The following USP32 variants were observed in gnomAD, a reference collection of about 807,000 sequenced individuals.
USP32 encodes ubiquitin specific peptidase 32.
A neutral mutation model predicts 204.8 loss-of-function variants in USP32; 59 were observed. That is an observed-to-expected ratio of 0.29 (90% confidence interval 0.23 to 0.36). USP32 has a LOEUF of 0.36. Among genes scored for constraint, USP32 ranks in the 10% least tolerant of loss-of-function variants. USP32 has a pLI of 1.00. For missense variants in USP32, 1,160 were observed against 1,946.4 expected, an observed-to-expected ratio of 0.60 and a Z score of 7.60; for synonymous variants, 517 against 678.4, an observed-to-expected ratio of 0.76 and a Z score of 3.70.
intron 2 of USP32, among the ~76,000 whole-genome samples, chr17:60,340,241 C>T (rs2088625632): frequency 6.6e-6 from 1 of 152,164 alleles, no homozygotes; most frequent in African/African-American, 2.4e-5. Flanking sequence ...TCATCCATTC[C>T]ATGAGTCTAT....
Position 60,181,454 on chromosome 17 carries a change from A to T in USP32, c.4418T>A (p.Leu1473His). The change falls in exon 32 of 34, where the codon CTT becomes CAT. Residue 1473 changes from leucine to histidine, a missense_variant. Coordinates refer to ENST00000300896, the MANE Select transcript of USP32 (RefSeq NM_032582.4). ...DHEVALANGF[L>H]YEHEACGNGY... is the part of the protein sequence containing the mutation. ...ATTGCCACATGCTTCATGCTCATAA[A>T]GGAATCCATTGGCCAAAGCTACCTC... 6.2e-7 allele frequency: 1 copy of T among 1,613,970 alleles called. No individual in the cohort carries two copies. Among genetic ancestry groups the T allele is most frequent in the Non-Finnish European group, 8.5e-7 (1 of 1,179,860 alleles).
At chr17:60,370,656 G>C (rs1471174097) in intron 1 of USP32, among the ~76,000 whole-genome samples, 1 of 151,704 alleles carries the variant, frequency 6.6e-6, no homozygotes, top group Non-Finnish European at 1.5e-5. Flanking sequence ...CCACTCAGGA[G>C]GAGGCTGAGG....
At chr17:60,410,260 C>A (rs1179088315) in intron 1 of USP32, among the ~76,000 whole-genome samples, 1 of 152,160 alleles carries the variant, frequency 6.6e-6, no homozygotes. Context: ...GTAACCTCCA[C>A]CCAGAAACTG....
rs753731895 is a variant in USP32, at chr17:60,190,536, C to T, written c.3642+27G>A. 8 of 1,515,616 alleles carry T rather than the reference C, an allele frequency of 5.3e-6. No homozygotes were observed. In the East Asian group the frequency reaches 1.7e-4, roughly 33 times the overall value. 93.9% of individuals were successfully genotyped at this position (1,515,616 alleles called of 1,614,324 possible). The stretch of plus-strand genomic sequence containing the variant: ...TGGAAATTTCTCATATAAAAACCAC[C>T]ATTTTATGGTGGCCCTAAATACTTA... On this transcript the variant is annotated intron_variant, in intron 29 of 33. Transcript: ENST00000300896.
At chr17:60,376,378 A>G (rs1298377481) in intron 1 of USP32, among the ~76,000 whole-genome samples, 3 of 151,850 alleles carry the variant, frequency 2.0e-5, no homozygotes, top group Non-Finnish European at 4.4e-5. Flanking sequence ...ATAGCTTAAT[A>G]TTAAACATTA....
rs371434911 is a variant in USP32 at position 60,181,418 on chromosome 17, T to C, written c.4454A>G (p.Asn1485Ser). The stretch of plus-strand genomic sequence containing the variant: ...TTCACTGTGGTTTCCAAGCTGACCA[T>C]TGCTGTAGCCATTGCCACATGCTTC... ...EHEACGNGYS[N>S]GQLGNHSEED... The change falls in exon 32 of 34, where the codon AAT (asparagine) becomes AGT (serine). Residue 1485 changes from asparagine (N) to serine (S), a missense_variant. Coordinates refer to ENST00000300896, the MANE Select transcript of USP32 (RefSeq NM_032582.4). 1.2e-5 allele frequency: 20 copies of C among 1,613,894 alleles called. No homozygotes were observed. The highest frequency in any genetic ancestry group is 1.6e-4 in the Middle Eastern group (1 of 6,076).
intron 2 of USP32, among the ~76,000 whole-genome samples, chr17:60,309,374 C>T (rs1267315530): frequency 6.6e-6 from 1 of 152,038 alleles, no homozygotes; most frequent in Non-Finnish European, 1.5e-5. Context: ...CTGACACAGG[C>T]GGATAACTTG....
exon 1 of USP32, chr17:60,422,365 C>T: frequency 8.6e-7 from 1 of 1,165,196 alleles, no homozygotes; most frequent in East Asian, 3.1e-5. Flanking sequence ...GCTCCGTTCC[C>T]TAGTCCAGAT....
chr17:60,281,970 G>A (rs566206527), intron 5 of USP32, among the ~76,000 whole-genome samples: 32 of 152,176 alleles, frequency 2.1e-4, no homozygotes, highest in African/African-American at 7.0e-4. Flanking sequence ...GTAGACTTAC[G>A]GCTGACTTGT....
chr17:60,218,543 TATA>T (rs991074038), intron 16 of USP32, among the ~76,000 whole-genome samples: 36 of 152,028 alleles, frequency 2.4e-4, no homozygotes, highest in African/African-American at 8.7e-4. Context: ...TTATTTAAAT[TATA>T]ATAACATGCT....
intron 11 of USP32, among the ~76,000 whole-genome samples, chr17:60,240,897 C>G (rs181311517): frequency 2.5e-4 from 38 of 152,322 alleles, no homozygotes; most frequent in Middle Eastern, 3.4e-3. Flanking sequence ...AATAACCCTG[C>G]CTGCCTTTCC....
intron 1 of USP32, among the ~76,000 whole-genome samples, chr17:60,360,408 C>T (rs1239658446): frequency 1.3e-5 from 2 of 152,070 alleles, no homozygotes; most frequent in Non-Finnish European, 2.9e-5. Context: ...CCTGTAATCC[C>T]AGCACTTTGG....
At chr17:60,275,896 A>G (rs1021870172) in intron 5 of USP32, among the ~76,000 whole-genome samples, 1 of 150,912 alleles carries the variant, frequency 6.6e-6, no homozygotes. Context: ...TATTTTTAGT[A>G]GAGACCTTGT....
chr17:60,244,358 T>C (rs2085959388), intron 11 of USP32, among the ~76,000 whole-genome samples: 1 of 152,098 alleles, frequency 6.6e-6, no homozygotes, highest in Non-Finnish European at 1.5e-5. Flanking sequence ...GTCTAAATCT[T>C]TGGCTTTTGA....
chr17:60,186,910 T>C (rs1382539497), intron 29 of USP32, among the ~76,000 whole-genome samples: 6 of 152,080 alleles, frequency 3.9e-5, no homozygotes, highest in Non-Finnish European at 7.3e-5. Flanking sequence ...GGAAGGTGGG[T>C]GAAGCATCAG....
chr17:60,209,650 T>C (rs2084909673), intron 21 of USP32, 107 bp from the exon 22 acceptor site: 4 of 672,886 alleles, frequency 5.9e-6, no homozygotes, highest in Non-Finnish European at 7.0e-6. Context: ...AATAGTATAG[T>C]ACTTAGTCTG....
chr17:60,412,689 C>T (rs1380521185), intron 1 of USP32, among the ~76,000 whole-genome samples: 2 of 152,018 alleles, frequency 1.3e-5, no homozygotes, highest in East Asian at 1.9e-4. Context: ...GGTACAAATA[C>T]GGTGCCCTGG....
chr17:60,392,149 G>A, upstream of USP32: 2 of 534,528 alleles, frequency 3.7e-6, no homozygotes, highest in South Asian at 2.3e-5. Context: ...CTTCCGCCCC[G>A]CCCCCTTCCC....
chr17:60,286,136 CAAA>C (rs1170911336), intron 5 of USP32, among the ~76,000 whole-genome samples: 5 of 84,188 alleles, frequency 5.9e-5, no homozygotes. Context: ...ACAGTGTGTC[CAAA>C]AAAAAAAAAA....
Sources: allele counts gnomAD v4.1 joint callset (sites outside exome capture counted in the v4.1 genomes callset), GRCh38; gene constraint gnomAD v4.1.1; transcripts MANE v1.5; gene names NCBI Gene and HGNC (gene_info 2026-07-23, HGNC 2026-07-21).